SRPK1: variants seen among roughly 807,000 people sequenced by gnomAD.
SRPK1 encodes the protein SRSF protein kinase 1.
Under a neutral mutation model 89.5 loss-of-function variants are expected in SRPK1, and 52 were observed. That is an observed-to-expected ratio of 0.58 (90% CI 0.46 to 0.73). The LOEUF (loss-of-function observed/expected upper bound fraction) is 0.73. SRPK1 is among the 30% of genes least tolerant of loss of function. The pLI is 0.00. For synonymous variants in SRPK1, 255 were observed against 270.2 expected, an observed-to-expected ratio of 0.94 and a Z score of 0.55; for missense variants, 603 against 780.6, an observed-to-expected ratio of 0.77 and a Z score of 2.71.
intron 2 of SRPK1, among the ~76,000 whole-genome samples, chr6:35,892,696 AAC>A (rs1327721574): frequency 1.3e-5 from 2 of 151,480 alleles, no homozygotes; most frequent in African/African-American, 4.9e-5. Context: ...CAACGACAAC[AAC>A]ACAAAACAAA....
At chr6:35,889,822 G>A (rs542711391) in intron 3 of SRPK1, among the ~76,000 whole-genome samples, 60 of 151,180 alleles carry the variant, frequency 4.0e-4, no homozygotes, top group African/African-American at 1.3e-3. Context: ...AAAACGGCAA[G>A]GCGCGGTGGC....
At chr6:35,902,125 T>C (rs931450069) in intron 2 of SRPK1, among the ~76,000 whole-genome samples, 17 of 149,282 alleles carry the variant, frequency 1.1e-4, no homozygotes, top group African/African-American at 3.7e-4. Flanking sequence ...AAATGTCACA[T>C]AGGCTTGGCA....
At chr6:35,883,983 T>A (rs1436279332) in intron 6 of SRPK1, among the ~76,000 whole-genome samples, 1 of 151,994 alleles carries the variant, frequency 6.6e-6, no homozygotes, top group African/African-American at 2.4e-5. Flanking sequence ...TCCGCCCACC[T>A]CGGCCTCCCA....
intron 2 of SRPK1, among the ~76,000 whole-genome samples, chr6:35,906,014 A>T (rs989241228): frequency 3.9e-5 from 6 of 152,272 alleles, no homozygotes; most frequent in Non-Finnish European, 7.4e-5. Flanking sequence ...TTCCCACTAA[A>T]AGGCTTCTTG....
chr6:35,869,331 G>T, intron 11 of SRPK1, 151 bp downstream of exon 11: 1 of 1,018,704 alleles, frequency 9.8e-7, no homozygotes, highest in Non-Finnish European at 1.4e-6. Context: ...GTACATGATG[G>T]ATAAAGTTAG....
intron 6 of SRPK1, among the ~76,000 whole-genome samples, chr6:35,875,964 C>T (rs1770147085): frequency 6.6e-6 from 1 of 151,464 alleles, no homozygotes; most frequent in Non-Finnish European, 1.5e-5. Context: ...AATGCATATT[C>T]TAATGCAATA....
chr6:35,891,689 T>C (rs1770521269), intron 2 of SRPK1, among the ~76,000 whole-genome samples: 1 of 146,040 alleles, frequency 6.8e-6, no homozygotes, highest in Non-Finnish European at 1.5e-5. Flanking sequence ...ATTGTGCCAT[T>C]ACACTCCAGC....
At chr6:35,910,066 C>G (rs1457335223) in intron 2 of SRPK1, among the ~76,000 whole-genome samples, 1 of 152,118 alleles carries the variant, frequency 6.6e-6, no homozygotes, top group Non-Finnish European at 1.5e-5. Context: ...TCACTGCAAC[C>G]TCCACCTCCT....
intron 12 of SRPK1, among the ~76,000 whole-genome samples, chr6:35,867,121 C>T (rs1258911006): frequency 6.6e-6 from 1 of 151,996 alleles, no homozygotes; most frequent in Non-Finnish European, 1.5e-5. Flanking sequence ...ATATATCAAC[C>T]TAGCAAAACT....
intron 2 of SRPK1, among the ~76,000 whole-genome samples, chr6:35,893,836 C>CATGGTG (rs201428364): frequency 0.021 from 3,150 of 152,040 alleles, 119 homozygotes; most frequent in African/African-American, 0.072. Context: ...CATGGTGAAA[C>CATGGTG]CCCGTCTCTA....
intron 13 of SRPK1, among the ~76,000 whole-genome samples, chr6:35,845,553 T>C (rs1376650384): frequency 6.6e-6 from 1 of 152,180 alleles, no homozygotes; most frequent in East Asian, 1.9e-4. Context: ...ACAATGACAA[T>C]TTAAACAGAC....
At chr6:35,839,426 T>C (rs1332045587) in intron 14 of SRPK1, among the ~76,000 whole-genome samples, 2 of 152,240 alleles carry the variant, frequency 1.3e-5, no homozygotes, top group African/African-American at 4.8e-5. Flanking sequence ...TGATCTTATG[T>C]CTTGTCTAAA....
At chr6:35,853,297 C>CA (rs895594050) in intron 13 of SRPK1, among the ~76,000 whole-genome samples, 18 of 150,974 alleles carry the variant, frequency 1.2e-4, no homozygotes, top group South Asian at 2.1e-4. Context: ...ACAACAACAA[C>CA]AAAAAAAAGA....
At chr6:35,911,683 G>A (rs569040330) in intron 2 of SRPK1, among the ~76,000 whole-genome samples, 1 of 151,654 alleles carries the variant, frequency 6.6e-6, no homozygotes, top group South Asian at 2.1e-4. Flanking sequence ...CTCCCATCTC[G>A]GCCTCCGAAG....
chr6:35,908,039 G>A (rs1208026589), intron 2 of SRPK1, among the ~76,000 whole-genome samples: 3 of 152,150 alleles, frequency 2.0e-5, no homozygotes, highest in Admixed American at 2.0e-4. Context: ...AGTTTCCTGA[G>A]CCCTCGTTAT....
chr6:35,849,922 A>G (rs970914008), intron 13 of SRPK1, among the ~76,000 whole-genome samples: 1 of 152,184 alleles, frequency 6.6e-6, no homozygotes, highest in African/African-American at 2.4e-5. Context: ...ACATGGATGG[A>G]ACTGGAAAAC....
Position 35,885,306 on chromosome 6 carries a change from G to C in SRPK1, c.478+1418C>G, listed in dbSNP as rs1041138959. 5.3e-3 allele frequency among the ~76,000 whole-genome samples: 711 copies of C among 133,182 alleles called. 5 individuals carry two copies. The highest frequency in any genetic ancestry group is 0.018 in the South Asian group (75 of 4,206). The allele number at this position is 133,182 out of a possible 152,430, so 87.4% of individuals were successfully genotyped here. On this transcript the variant is annotated intron_variant, in intron 6 of 15. Transcript: ENST00000373825. ...ACACACACACACACACACAGAGAGA[G>C]AGAGAGAGAGAGAGAGAGAGAGAGC...
At position 35,882,851 on chromosome 6, in the gene SRPK1, C is replaced by T. The variant is rs1014611084; in HGVS notation, c.478+3873G>A. Among the ~76,000 whole-genome samples the T allele has an allele frequency of 7.2e-5, 11 of 152,092 alleles. No individual in the cohort carries two copies. The South Asian group carries it at 2.1e-3, about 29-fold the overall frequency. On this transcript the variant is annotated intron_variant, in intron 6 of 15. Transcript: ENST00000373825. Reference sequence around the variant, plus strand: ...CGAGATGGAGTCTTGCTCTGTCACCCAGGCTGGAGTGCAGTGGCATGATCT... The same window carrying T: ...CGAGATGGAGTCTTGCTCTGTCACCTAGGCTGGAGTGCAGTGGCATGATCT...
chr6:35,893,484 CAA>C (rs11352097), intron 2 of SRPK1, among the ~76,000 whole-genome samples: 6 of 146,872 alleles, frequency 4.1e-5, no homozygotes, highest in African/African-American at 5.0e-5. Context: ...GACCTTGTCT[CAA>C]AAAAAAAAGG....
Sources: gnomAD v4.1 joint callset for allele counts (sites outside exome capture counted in the v4.1 genomes callset) on GRCh38, gnomAD v4.1.1 for gene constraint, MANE v1.5 for transcripts, NCBI Gene and HGNC (gene_info 2026-07-23, HGNC 2026-07-21) for gene names.